THSD7B: variants seen among roughly 807,000 people sequenced by gnomAD.
THSD7B encodes the protein thrombospondin type 1 domain containing 7B.
Under a neutral mutation model 213.6 loss-of-function variants are expected in THSD7B, and 138 were observed. The ratio of observed to expected loss-of-function variants is 0.65; its 90% CI spans 0.56 to 0.74. The LOEUF (loss-of-function observed/expected upper bound fraction) is 0.74, where lower values mean the gene tolerates loss of function less well. Ranked by LOEUF, THSD7B falls within the 30% of genes least tolerant of loss-of-function variation. THSD7B has a pLI of 0.00. For missense variants in THSD7B, 1,931 were observed against 1,991.5 expected (o/e 0.97, Z 0.58); for synonymous variants, 742 against 687.0 (o/e 1.08, Z -1.25).
intron 7 of THSD7B, among the ~76,000 whole-genome samples, chr2:137,223,306 G>A (rs7598453): frequency 0.6 from 90,837 of 152,028 alleles, 27,559 homozygotes; most frequent in South Asian, 0.71. Context: ...AATAATACAC[G>A]AAGACCAATT....
intron 14 of THSD7B, among the ~76,000 whole-genome samples, chr2:137,418,798 A>G (rs1437937282): frequency 6.6e-6 from 1 of 152,130 alleles, no homozygotes; most frequent in Non-Finnish European, 1.5e-5. Context: ...TTGTCCTTCT[A>G]TGCTTGGCTA....
At chr2:136,873,440 C>T (rs1305710222) in intron 1 of THSD7B, among the ~76,000 whole-genome samples, 1 of 152,140 alleles carries the variant, frequency 6.6e-6, no homozygotes, top group Non-Finnish European at 1.5e-5. Flanking sequence ...TACTAAACAT[C>T]ATGTCATTGC....
Position 137,430,556 on chromosome 2 carries a change from G to A in THSD7B, c.2959+18684G>A, listed in dbSNP as rs78095460. Among the ~76,000 whole-genome samples, 200 of 152,306 alleles carry A rather than the reference G, an allele frequency of 1.3e-3. 1 individual carries two copies. The highest frequency in any genetic ancestry group is 6.8e-3 in the Middle Eastern group (2 of 294). ...CCCATGGATAAAATCTCCTGCCTGA[G>A]GGTGGAAGAAACTCAGGGACTCTGG... On this transcript the variant is annotated intron_variant, in intron 14 of 27. Transcript: ENST00000409968.
intron 2 of THSD7B, among the ~76,000 whole-genome samples, chr2:136,934,309 T>A (rs1290356168): frequency 1.3e-5 from 2 of 152,198 alleles, no homozygotes; most frequent in Non-Finnish European, 2.9e-5. Context: ...TTGAACTCTT[T>A]TCTAATCACA....
At chr2:136,913,196 C>T (rs1025583362) in intron 2 of THSD7B, among the ~76,000 whole-genome samples, 2 of 152,144 alleles carry the variant, frequency 1.3e-5, no homozygotes, top group Admixed American at 6.5e-5. Flanking sequence ...GGCATTTTGC[C>T]CCTGCCCTAG....
intron 3 of THSD7B, among the ~76,000 whole-genome samples, chr2:137,069,434 T>G (rs1326812928): frequency 6.6e-6 from 1 of 152,046 alleles, no homozygotes; most frequent in African/African-American, 2.4e-5. Context: ...ACTTATTGTT[T>G]GCATGAATGA....
At chr2:137,195,296 C>A (rs1200246644) in intron 7 of THSD7B, among the ~76,000 whole-genome samples, 1 of 151,398 alleles carries the variant, frequency 6.6e-6, no homozygotes, top group African/African-American at 2.4e-5. Flanking sequence ...AGACATATAT[C>A]AATTTTTCAG....
At chr2:137,260,590 T>C (rs1412584434) in intron 10 of THSD7B, among the ~76,000 whole-genome samples, 3 of 152,088 alleles carry the variant, frequency 2.0e-5, no homozygotes, top group Admixed American at 1.3e-4. Flanking sequence ...AAGGACAACC[T>C]TGTCTCTACA....
intron 2 of THSD7B, among the ~76,000 whole-genome samples, chr2:136,975,049 T>G (rs1446043365): frequency 3.3e-5 from 5 of 151,870 alleles, no homozygotes; most frequent in Admixed American, 3.3e-4. Context: ...GGTTTGTTTT[T>G]TTTTTTTTTG....
At chr2:136,784,204 A>C (rs1459593504) in intron 1 of THSD7B, among the ~76,000 whole-genome samples, 2 of 152,184 alleles carry the variant, frequency 1.3e-5, no homozygotes, top group Admixed American at 1.3e-4. Flanking sequence ...GTCATTCATA[A>C]ATTATATTTC....
chr2:136,791,465 AT>A (rs1316508445), intron 1 of THSD7B, among the ~76,000 whole-genome samples: 4 of 151,908 alleles, frequency 2.6e-5, no homozygotes, highest in Non-Finnish European at 5.9e-5. Flanking sequence ...ACTACAATAA[AT>A]TTTAAGCTAT....
chr2:137,409,309 A>C (rs1339055983), intron 13 of THSD7B, among the ~76,000 whole-genome samples: 2 of 152,236 alleles, frequency 1.3e-5, no homozygotes, highest in African/African-American at 4.8e-5. Flanking sequence ...GGTGACACCC[A>C]TTGGAATGGA....
intron 12 of THSD7B, among the ~76,000 whole-genome samples, chr2:137,314,828 G>T (rs964226494): frequency 1.3e-5 from 2 of 152,286 alleles, no homozygotes; most frequent in Non-Finnish European, 2.9e-5. Context: ...CGGGGGTCAG[G>T]GGTCAGGGAC....
At chr2:137,483,010 G>C (rs375836724) in intron 15 of THSD7B, among the ~76,000 whole-genome samples, 20 of 151,710 alleles carry the variant, frequency 1.3e-4, no homozygotes, top group African/African-American at 4.6e-4. Flanking sequence ...CTAAGTGATA[G>C]AAGTCATGAC....
At chr2:137,568,113 A>G (rs1159991868) in intron 16 of THSD7B, among the ~76,000 whole-genome samples, 1 of 151,970 alleles carries the variant, frequency 6.6e-6, no homozygotes, top group African/African-American at 2.4e-5. Flanking sequence ...GAGTTTGGCA[A>G]TGGGGAGTTT....
chr2:137,480,761 T>A (rs1688288269), intron 15 of THSD7B, among the ~76,000 whole-genome samples: 1 of 152,236 alleles, frequency 6.6e-6, no homozygotes, highest in Admixed American at 6.5e-5. Context: ...ATTTTACCCA[T>A]GCAATGGGCT....
Position 137,338,494 on chromosome 2 carries a change from A to T in THSD7B, c.2500+62468A>T, listed in dbSNP as rs148236586. Among the ~76,000 whole-genome samples, 29 of 152,188 alleles carry T rather than the reference A, an allele frequency of 1.9e-4. No homozygotes were observed. In the East Asian group the frequency reaches 5.4e-3, roughly 28 times the overall value. On this transcript the variant is annotated intron_variant, in intron 12 of 27. Coordinates refer to ENST00000409968, the MANE Select transcript of THSD7B (RefSeq NM_001316349.2). The stretch of plus-strand genomic sequence containing the variant: ...TGGCATCTTAGAGACAAACTAAAAC[A>T]TATACCTAGTGTTGATTTACATCCG...
At chr2:137,285,518 T>C (rs1437659355) in intron 12 of THSD7B, among the ~76,000 whole-genome samples, 1 of 152,034 alleles carries the variant, frequency 6.6e-6, no homozygotes, top group Admixed American at 6.6e-5. Flanking sequence ...CAATTTGGCA[T>C]GTTTTTGCAG....
intron 5 of THSD7B, among the ~76,000 whole-genome samples, chr2:137,134,421 T>C (rs935581884): frequency 3.9e-5 from 6 of 152,324 alleles, no homozygotes; most frequent in African/African-American, 1.4e-4. Flanking sequence ...ATTAAGATTC[T>C]TGGGGACGAA....
Sources: gnomAD v4.1 joint callset for allele counts (sites outside exome capture counted in the v4.1 genomes callset) on GRCh38, gnomAD v4.1.1 for gene constraint, MANE v1.5 for transcripts, NCBI Gene and HGNC (gene_info 2026-07-23, HGNC 2026-07-21) for gene names.